Variants in IQUB observed in about 807,000 individuals in gnomAD.
The protein encoded by IQUB is IQ motif and ubiquitin-like domain-containing protein.
Under a neutral mutation model 86.4 loss-of-function variants are expected in IQUB, and 86 were observed. That is an observed-to-expected ratio of 1.00 (90% CI 0.84 to 1.19). IQUB has a LOEUF of 1.19. Among genes scored for constraint, IQUB ranks in the 50% most tolerant of loss-of-function variants. The pLI, the probability that IQUB is intolerant of heterozygous loss-of-function variation, is 0.00. For missense variants in IQUB, 946 were observed against 916.9 expected, an observed-to-expected ratio of 1.03 and a Z score of -0.41; for synonymous variants, 289 against 304.5, an observed-to-expected ratio of 0.95 and a Z score of 0.53.
chr7:123,513,608 G>A (rs949853198), intron 1 of IQUB, among the ~76,000 whole-genome samples: 4 of 152,176 alleles, frequency 2.6e-5, no homozygotes, highest in Non-Finnish European at 5.9e-5. Context: ...TGGAGTCCCA[G>A]AAGGAAAAAT....
intron 8 of IQUB, among the ~76,000 whole-genome samples, chr7:123,478,475 A>C (rs1794846638): frequency 6.6e-6 from 1 of 152,122 alleles, no homozygotes; most frequent in Non-Finnish European, 1.5e-5. Context: ...AATGTAGATG[A>C]TGAGTTAATG....
rs1479137457 is a variant in IQUB at position 123,452,822 on chromosome 7, C to T, written c.2297G>A (p.Gly766Asp). The T allele has an allele frequency of 6.2e-7, 1 of 1,613,448 alleles. No individual in the cohort carries two copies. The highest frequency in any genetic ancestry group is 1.1e-5 in the South Asian group (1 of 91,038). Residue 766 changes from glycine (G) to aspartate (D), a missense_variant, in exon 13 of 13, where the codon GGT becomes GAT. Transcript: ENST00000324698. The stretch of plus-strand genomic sequence containing the variant: ...CTTCCATCTGATCTCATCAATTTCA[C>T]CATCATCAAGTATAAATGAAGCCAG... ...PVLASFILDD[G>D]EIDEIRWKYH...
chr7:123,491,166 T>A (rs1317282287), intron 7 of IQUB, among the ~76,000 whole-genome samples: 1 of 152,148 alleles, frequency 6.6e-6, no homozygotes, highest in Non-Finnish European at 1.5e-5. Context: ...TATTTTGAAC[T>A]GAAAGAAAAT....
At chr7:123,493,455 A>G (rs1409175222) in intron 7 of IQUB, among the ~76,000 whole-genome samples, 1 of 152,056 alleles carries the variant, frequency 6.6e-6, no homozygotes, top group Admixed American at 6.6e-5. Context: ...ATTGACTCTC[A>G]TTGACTCTGG....
chr7:123,471,956 G>A (rs1036587240), intron 8 of IQUB, among the ~76,000 whole-genome samples: 11 of 152,018 alleles, frequency 7.2e-5, no homozygotes, highest in Admixed American at 3.9e-4. Context: ...TAAATTTCTC[G>A]GCCGGACACG....
At chr7:123,511,897 T>C in intron 2 of IQUB, 47 bp downstream of exon 2, 1 of 1,399,382 alleles carries the variant, frequency 7.1e-7, no homozygotes, top group African/African-American at 1.4e-5. Flanking sequence ...AACGCATTCA[T>C]TCTTCAAAAT....
chr7:123,460,156 A>C (rs1308524522), intron 11 of IQUB, among the ~76,000 whole-genome samples: 4 of 151,928 alleles, frequency 2.6e-5, no homozygotes, highest in Admixed American at 2.6e-4. Flanking sequence ...GTAAACTTGG[A>C]CAAGTTAGTT....
chr7:123,468,051 G>C (rs543590001), intron 9 of IQUB, among the ~76,000 whole-genome samples: 230 of 152,334 alleles, frequency 1.5e-3, no homozygotes, highest in Non-Finnish European at 2.6e-3. Context: ...AATAGGGACA[G>C]AGAAGAATAT....
chr7:123,503,039 G>A lies in IQUB; in HGVS notation c.772C>T (p.His258Tyr), dbSNP rs1366266547. ...FHKPFLGGFR[H>Y]KVTGVEYHNA... ...TGATACTCTACTCCTGTTACTTTAT[G>A]TCTGAATCCACCAAGAAATGGTTTG... is the stretch of plus-strand genomic sequence containing the variant. Residue 258 changes from histidine (H) to tyrosine (Y), a missense_variant, in exon 5 of 13, where the codon CAT becomes TAT. Transcript: ENST00000324698. 1 of 1,612,926 alleles carries A rather than the reference G, an allele frequency of 6.2e-7. No individual in the cohort carries two copies. The highest frequency in any genetic ancestry group is 1.7e-5 in the Admixed American group (1 of 59,984).
chr7:123,505,423 G>A (rs565280006), intron 3 of IQUB, among the ~76,000 whole-genome samples: 1 of 152,266 alleles, frequency 6.6e-6, no homozygotes, highest in African/African-American at 2.4e-5. Context: ...CTCTGCTCCT[G>A]CAGCCAACTT....
intron 6 of IQUB, among the ~76,000 whole-genome samples, chr7:123,497,521 T>C (rs1795755926): frequency 6.6e-6 from 1 of 152,002 alleles, no homozygotes; most frequent in Admixed American, 6.6e-5. Context: ...AACATGAATA[T>C]GTTTGAAAGT....
intron 1 of IQUB, among the ~76,000 whole-genome samples, chr7:123,514,688 C>T (rs554491158): frequency 6.6e-6 from 1 of 152,212 alleles, no homozygotes; most frequent in Non-Finnish European, 1.5e-5. Flanking sequence ...TTTATTGAGG[C>T]CATCACCCTA....
At chr7:123,459,157 A>T (rs1464528426) in intron 11 of IQUB, among the ~76,000 whole-genome samples, 2 of 152,000 alleles carry the variant, frequency 1.3e-5, no homozygotes, top group Non-Finnish European at 2.9e-5. Flanking sequence ...AAAACCCTAC[A>T]TAGATACGGT....
intron 1 of IQUB, among the ~76,000 whole-genome samples, chr7:123,516,137 A>G (rs1796626393): frequency 6.6e-6 from 1 of 152,040 alleles, no homozygotes; most frequent in African/African-American, 2.4e-5. Flanking sequence ...GGGGAAAAAA[A>G]GTGTGCTATT....
chr7:123,502,647 G>A lies in IQUB; in HGVS notation c.973C>T (p.Pro325Ser). The A allele has an allele frequency of 6.2e-7, 1 of 1,612,876 alleles. No individual in the cohort carries two copies. The highest frequency in any genetic ancestry group is 8.5e-7 in the Non-Finnish European group (1 of 1,179,480). ...VSNMTDKLVT[P>S]GKYFSAAEYH... ...TCTGCTGCTGAAAAATACTTTCCTG[G>A]TGTTACCAGTTTATCAGTCATATTT... Residue 325 changes from proline to serine, a missense_variant, in exon 6 of 13, where the codon CCA becomes TCA. Coordinates refer to ENST00000324698, the MANE Select transcript of IQUB (RefSeq NM_178827.5).
chr7:123,505,523 G>T (rs781015988), intron 3 of IQUB, among the ~76,000 whole-genome samples: 4 of 152,156 alleles, frequency 2.6e-5, no homozygotes, highest in Non-Finnish European at 5.9e-5. Context: ...GCACCCACAC[G>T]CTTAATACCA....
chr7:123,514,796 A>G (rs1046499785), intron 1 of IQUB, among the ~76,000 whole-genome samples: 1 of 152,014 alleles, frequency 6.6e-6, no homozygotes, highest in Non-Finnish European at 1.5e-5. Context: ...TCCACTCTCT[A>G]TGTTCAGGTA....
intron 8 of IQUB, among the ~76,000 whole-genome samples, chr7:123,472,771 T>C (rs1024592789): frequency 3.3e-5 from 5 of 152,218 alleles, no homozygotes; most frequent in Non-Finnish European, 5.9e-5. Flanking sequence ...GCTTTTTTGA[T>C]TTCAGGGCTT....
At position 123,512,230 on chromosome 7, in the gene IQUB, T is replaced by C. The variant is rs1296042964; in HGVS notation, c.111A>G (p.Gln37=). The C allele has an allele frequency of 6.2e-7, 1 of 1,613,926 alleles. No homozygotes were observed. The highest frequency in any genetic ancestry group is 1.3e-5 in the African/African-American group (1 of 74,938). Residue 37 remains glutamine, a synonymous_variant, in exon 2 of 13, where the codon CAA becomes CAG. Coordinates refer to ENST00000324698, the MANE Select transcript of IQUB (RefSeq NM_178827.5). The part of the protein sequence containing the change: ...VTIPVPSEEP[Q]ESDQTEEHES... Reference sequence around the variant, plus strand: ...CATGCTCTTCAGTTTGATCTGACTCTTGAGGCTCTTCTGAGGGAACTGGAA... The same window carrying C: ...CATGCTCTTCAGTTTGATCTGACTCCTGAGGCTCTTCTGAGGGAACTGGAA...
Sources: gnomAD v4.1 joint callset for allele counts (sites outside exome capture counted in the v4.1 genomes callset) on GRCh38, gnomAD v4.1.1 for gene constraint, MANE v1.5 for transcripts, NCBI Gene and HGNC (gene_info 2026-07-23, HGNC 2026-07-21) for gene names.